Variants in SGIP1 observed in about 807,000 individuals in gnomAD.
The protein encoded by SGIP1 is SH3GL interacting endocytic adaptor 1.
A neutral mutation model predicts 107.5 loss-of-function variants in SGIP1; 38 were observed. The observed-to-expected ratio is 0.35, with a 90% confidence interval of 0.27 to 0.46. The LOEUF is 0.46. SGIP1 is among the 20% of genes least tolerant of loss of function. The pLI is 1.00. For missense variants in SGIP1, 929 were observed against 1,019.5 expected (o/e 0.91, Z 1.21); for synonymous variants, 365 against 366.1 (o/e 1.00, Z 0.03).
chr1:66,679,856 A>G, intron 14 of SGIP1, 104 bp downstream of exon 14: 1 of 1,045,156 alleles, frequency 9.6e-7, no homozygotes, highest in South Asian at 2.2e-5. Flanking sequence ...ACACAAAAAC[A>G]TCACAATGTT....
intron 8 of SGIP1, among the ~76,000 whole-genome samples, chr1:66,662,406 CTGTT>C (rs1318895149): frequency 1.3e-5 from 2 of 152,162 alleles, no homozygotes; most frequent in Non-Finnish European, 2.9e-5. Flanking sequence ...GGGGGATAGA[CTGTT>C]TGGTTAGTTG....
chr1:66,611,861 G>A (rs1319467229), intron 1 of SGIP1, among the ~76,000 whole-genome samples: 1 of 152,162 alleles, frequency 6.6e-6, no homozygotes, highest in Non-Finnish European at 1.5e-5. Flanking sequence ...GAAGATGACA[G>A]ATTCAGCTTT....
chr1:66,537,500 A>G (rs2147978478), intron 1 of SGIP1, among the ~76,000 whole-genome samples: 1 of 152,226 alleles, frequency 6.6e-6, no homozygotes, highest in East Asian at 1.9e-4. Flanking sequence ...TTCTTGGGCT[A>G]TCTGTCTATT....
chr1:66,741,510 G>C (rs1410027356), intron 24 of SGIP1, 74 bp downstream of exon 24: 4 of 1,382,036 alleles, frequency 2.9e-6, no homozygotes, highest in Admixed American at 5.4e-5. Context: ...AATAGGTTGT[G>C]ATTTTCTCAT....
chr1:66,713,372 C>T (rs1310664465), intron 18 of SGIP1, among the ~76,000 whole-genome samples: 2 of 152,096 alleles, frequency 1.3e-5, no homozygotes, highest in Non-Finnish European at 2.9e-5. Context: ...GATTGAATTT[C>T]AGCTTCACCA....
chr1:66,725,497 C>T (rs2483705), intron 19 of SGIP1, among the ~76,000 whole-genome samples: 1 of 151,984 alleles, frequency 6.6e-6, no homozygotes, highest in African/African-American at 2.4e-5. Flanking sequence ...CAAGAGTCAG[C>T]TGTGGAGACA....
intron 17 of SGIP1, chr1:66,694,303 A>C (rs956980556): frequency 1.5e-6 from 1 of 655,926 alleles, no homozygotes; most frequent in Non-Finnish European, 2.6e-6. Flanking sequence ...TCATAATTCC[A>C]GTGTTTTCAG....
At chr1:66,596,569 G>A (rs1235172523) in intron 1 of SGIP1, among the ~76,000 whole-genome samples, 1 of 151,856 alleles carries the variant, frequency 6.6e-6, no homozygotes, top group Non-Finnish European at 1.5e-5. Context: ...CAAAGGGGAA[G>A]ATAAGTTCTC....
chr1:66,583,303 A>C (rs2062067529), intron 1 of SGIP1, among the ~76,000 whole-genome samples: 1 of 152,078 alleles, frequency 6.6e-6, no homozygotes, highest in African/African-American at 2.4e-5. Context: ...AGTGTAGTCT[A>C]TGTAATGTTT....
At chr1:66,540,615 T>G (rs893719661) in intron 1 of SGIP1, among the ~76,000 whole-genome samples, 1 of 152,184 alleles carries the variant, frequency 6.6e-6, no homozygotes, top group African/African-American at 2.4e-5. Flanking sequence ...TGTTGTTCGG[T>G]GTATTTGTGT....
chr1:66,658,291 T>G (rs185016001), intron 7 of SGIP1, among the ~76,000 whole-genome samples: 6 of 152,308 alleles, frequency 3.9e-5, no homozygotes, highest in Non-Finnish European at 1.5e-5. Context: ...TAGGAGAAAA[T>G]TCTGCCCTGG....
chr1:66,662,359 A>G (rs2081675986), intron 8 of SGIP1, among the ~76,000 whole-genome samples: 1 of 152,198 alleles, frequency 6.6e-6, no homozygotes, highest in Non-Finnish European at 1.5e-5. Flanking sequence ...GGATGTCACA[A>G]AACTTCAAAA....
chr1:66,694,695 A>C, intron 17 of SGIP1: 2 of 419,790 alleles, frequency 4.8e-6, no homozygotes, highest in Non-Finnish European at 8.3e-6. Context: ...ACTATATTCA[A>C]AAACAGCAGG....
chr1:66,581,219 T>C (rs540248469), intron 1 of SGIP1, among the ~76,000 whole-genome samples: 3 of 152,204 alleles, frequency 2.0e-5, no homozygotes, highest in East Asian at 3.9e-4. Flanking sequence ...TAAGGCAGCA[T>C]AGTACAGTGG....
chr1:66,628,613 C>T (rs2073527784), intron 2 of SGIP1: 1 of 154,624 alleles, frequency 6.5e-6, no homozygotes, highest in Admixed American at 6.5e-5. Flanking sequence ...CCAGAGATTT[C>T]TGGCATGTGA....
chr1:66,578,121 T>A (rs781537232), intron 1 of SGIP1, among the ~76,000 whole-genome samples: 7 of 152,214 alleles, frequency 4.6e-5, no homozygotes, highest in Non-Finnish European at 8.8e-5. Context: ...CTACTGGTAC[T>A]GGGCATTATT....
At chr1:66,616,759 A>G (rs11208923) in intron 1 of SGIP1, among the ~76,000 whole-genome samples, 22,424 of 152,236 alleles carry the variant, frequency 0.15, 2,184 homozygotes, top group East Asian at 0.46. Context: ...AACCTATTTC[A>G]TGACCATCTT....
chr1:66,720,638 G>A (rs2093484320), intron 19 of SGIP1, among the ~76,000 whole-genome samples: 1 of 152,074 alleles, frequency 6.6e-6, no homozygotes, highest in Non-Finnish European at 1.5e-5. Flanking sequence ...AGGTGGGAGG[G>A]TTGCTTGAAC....
chr1:66,586,968 T>G (rs2062720919), intron 1 of SGIP1, among the ~76,000 whole-genome samples: 1 of 152,180 alleles, frequency 6.6e-6, no homozygotes, highest in Admixed American at 6.5e-5. Flanking sequence ...TTGATGGTAG[T>G]TTTTTGTTGT....
Sources: gnomAD v4.1 joint callset for allele counts (sites outside exome capture counted in the v4.1 genomes callset) on GRCh38, gnomAD v4.1.1 for gene constraint, MANE v1.5 for transcripts, NCBI Gene and HGNC (gene_info 2026-07-23, HGNC 2026-07-21) for gene names.